CFAP299: variants seen among roughly 807,000 people sequenced by gnomAD.
CFAP299 encodes cilia- and flagella-associated protein 299.
A neutral mutation model predicts 27.0 loss-of-function variants in CFAP299; 21 were observed. The ratio of observed to expected loss-of-function variants is 0.78; its 90% confidence interval spans 0.55 to 1.12. CFAP299 has a LOEUF of 1.12. Among genes scored for constraint, CFAP299 ranks in the 50% most tolerant of loss-of-function variants. The probability of loss-of-function intolerance (pLI) is 0.00; values close to 1 mark genes in which losing one functional copy is unlikely to be tolerated. For synonymous variants in CFAP299, 104 were observed against 98.1 expected, an observed-to-expected ratio of 1.06 and a Z score of -0.36; for missense variants, 310 against 276.6, an observed-to-expected ratio of 1.12 and a Z score of -0.86.
chr4:80,342,297 C>T (rs950636000), intron 1 of CFAP299, among the ~76,000 whole-genome samples: 1 of 152,096 alleles, frequency 6.6e-6, no homozygotes, highest in African/African-American at 2.4e-5. Context: ...GGCCAACATT[C>T]AGGTTCAGGA....
At chr4:80,704,917 A>G (rs1229120645) in intron 3 of CFAP299, among the ~76,000 whole-genome samples, 1 of 151,786 alleles carries the variant, frequency 6.6e-6, no homozygotes, top group Non-Finnish European at 1.5e-5. Context: ...ACCATTTCAG[A>G]TATGATAATA....
chr4:80,447,123 T>TG (rs1163041635), intron 2 of CFAP299, among the ~76,000 whole-genome samples: 10 of 122,206 alleles, frequency 8.2e-5, no homozygotes, highest in Admixed American at 7.5e-4. Flanking sequence ...TTATTTGTTT[T>TG]TTTTTTGTTT....
intron 4 of CFAP299, among the ~76,000 whole-genome samples, chr4:80,893,803 G>C (rs1414273671): frequency 1.3e-5 from 2 of 151,862 alleles, no homozygotes; most frequent in Admixed American, 1.3e-4. Context: ...ACATTGGTCT[G>C]GGCAACGATT....
intron 1 of CFAP299, among the ~76,000 whole-genome samples, chr4:80,348,493 C>T (rs866878230): frequency 6.6e-6 from 1 of 152,160 alleles, no homozygotes; most frequent in African/African-American, 2.4e-5. Context: ...AAACACTTCT[C>T]AATAGTAGAC....
In CFAP299 at chr4:80,962,625, G is replaced by A. The variant is rs375013767; in HGVS notation, c.607-892G>A. ...AAAAAGCAAAACTAACTTAGATGGG[G>A]GCACAGTCAGGACACCCACTTTTTT... On this transcript the variant is annotated intron_variant, in intron 5 of 5. Transcript: ENST00000358105. 1.3e-4 allele frequency among the ~76,000 whole-genome samples: 20 copies of A among 151,750 alleles called. 1 individual carries two copies. Among genetic ancestry groups the A allele is most frequent in the African/African-American group, 4.3e-4 (18 of 41,444 alleles).
intron 2 of CFAP299, among the ~76,000 whole-genome samples, chr4:80,447,131 T>G (rs13104335): frequency 0.65 from 66,631 of 103,056 alleles, 19,686 homozygotes; most frequent in East Asian, 0.72. Flanking sequence ...TTTTTTTTTG[T>G]TTTTTTTTTT....
intron 2 of CFAP299, among the ~76,000 whole-genome samples, chr4:80,455,414 T>C (rs577198739): frequency 6.6e-6 from 1 of 152,200 alleles, no homozygotes; most frequent in Non-Finnish European, 1.5e-5. Context: ...CAGATACTTA[T>C]TCGAATTATA....
intron 3 of CFAP299, among the ~76,000 whole-genome samples, chr4:80,696,825 A>G (rs535028884): frequency 6.6e-5 from 10 of 152,310 alleles, no homozygotes; most frequent in South Asian, 4.1e-4. Context: ...ACTAAGTCCA[A>G]TGTGCTTGGA....
At chr4:80,498,774 CTAT>C in intron 2 of CFAP299, among the ~76,000 whole-genome samples, 1 of 152,132 alleles carries the variant, frequency 6.6e-6, no homozygotes, top group Non-Finnish European at 1.5e-5. Flanking sequence ...AATAATTCTA[CTAT>C]TAAAGACAAA....
chr4:80,614,789 A>G (rs989540299), intron 3 of CFAP299, among the ~76,000 whole-genome samples: 8 of 152,216 alleles, frequency 5.3e-5, no homozygotes, highest in South Asian at 4.1e-4. Flanking sequence ...TGTAAAAACA[A>G]TGCTTACACA....
rs551111295 is a variant in CFAP299, at chr4:80,950,605, G to A, written c.606+5666G>A. 1.5e-4 allele frequency among the ~76,000 whole-genome samples: 23 copies of A among 152,230 alleles called. No homozygotes were observed. In the South Asian group the frequency reaches 4.8e-3, roughly 32 times the overall value. On this transcript the variant is annotated intron_variant, in intron 5 of 5. Coordinates refer to ENST00000358105, the MANE Select transcript of CFAP299 (RefSeq NM_152770.3). ...AGAAAAACCATGCACAAAGGCATGGGAGCACGAAGGCATGGGAGCACAAAA... is the reference window on the plus strand; with the variant it reads ...AGAAAAACCATGCACAAAGGCATGGAAGCACGAAGGCATGGGAGCACAAAA...
chr4:80,649,378 C>T (rs1391758989), intron 3 of CFAP299, among the ~76,000 whole-genome samples: 1 of 152,126 alleles, frequency 6.6e-6, no homozygotes, highest in African/African-American at 2.4e-5. Flanking sequence ...AGAGATGACA[C>T]TTCATTTCCA....
chr4:80,916,278 TA>T (rs1333201962), intron 4 of CFAP299, among the ~76,000 whole-genome samples: 1 of 119,234 alleles, frequency 8.4e-6, no homozygotes, highest in African/African-American at 3.7e-5. Flanking sequence ...TATATATATA[TA>T]TATATATATA....
intron 2 of CFAP299, among the ~76,000 whole-genome samples, chr4:80,542,437 G>T (rs1734043952): frequency 6.6e-6 from 1 of 152,124 alleles, no homozygotes; most frequent in South Asian, 2.1e-4. Flanking sequence ...CACTGAGAGA[G>T]GTTAGATAAA....
chr4:80,776,170 G>A (rs1253667338), intron 3 of CFAP299, among the ~76,000 whole-genome samples: 2 of 152,132 alleles, frequency 1.3e-5, no homozygotes, highest in Non-Finnish European at 2.9e-5. Flanking sequence ...TGCTTGTACA[G>A]GTGATTAAGA....
chr4:80,330,684 T>C, the CFAP299 span, among the ~76,000 whole-genome samples: 21,823 of 152,174 alleles, frequency 0.14, 2,143 homozygotes, highest in African/African-American at 0.28. Context: ...AATATCTCTT[T>C]ATCAAAAAGA....
At chr4:80,752,404 A>T (rs576741614) in intron 3 of CFAP299, among the ~76,000 whole-genome samples, 18 of 144,244 alleles carry the variant, frequency 1.2e-4, no homozygotes, top group Middle Eastern at 3.6e-3. Flanking sequence ...ATATATATTT[A>T]TATATATATA....
intron 3 of CFAP299, among the ~76,000 whole-genome samples, chr4:80,799,921 T>A (rs1292758475): frequency 4.4e-5 from 2 of 45,368 alleles, no homozygotes; most frequent in Non-Finnish European, 7.2e-5. Context: ...ATATATAATA[T>A]ATATATTTAT....
At chr4:80,506,213 A>G (rs1375694145) in intron 2 of CFAP299, among the ~76,000 whole-genome samples, 1 of 152,096 alleles carries the variant, frequency 6.6e-6, no homozygotes, top group African/African-American at 2.4e-5. Flanking sequence ...TTGGTTAGGT[A>G]TATCTTAGTA....
Sources: allele counts gnomAD v4.1 joint callset (sites outside exome capture counted in the v4.1 genomes callset), GRCh38; gene constraint gnomAD v4.1.1; transcripts MANE v1.5; gene names NCBI Gene and HGNC (gene_info 2026-07-23, HGNC 2026-07-21).